Variants in MAP2K2 observed in about 807,000 individuals in gnomAD.
MAP2K2 encodes dual specificity mitogen-activated protein kinase kinase 2.
In MAP2K2, 24 loss-of-function variants were observed where a neutral mutation model predicts 43.7. That is an observed-to-expected ratio of 0.55 (90% confidence interval 0.40 to 0.77). The LOEUF (loss-of-function observed/expected upper bound fraction) is 0.77, where lower values mean the gene tolerates loss of function less well. MAP2K2 is among the 30% of genes least tolerant of loss of function. The pLI, the probability that MAP2K2 is intolerant of heterozygous loss-of-function variation, is 0.00. For missense variants in MAP2K2, 470 were observed against 566.8 expected (o/e 0.83, Z 1.73); for synonymous variants, 244 against 239.7 (o/e 1.02, Z -0.17).
rs1209508106 is a variant in MAP2K2, at chr19:4,090,580, C to A, written c.*18G>T. On this transcript the variant is annotated 3_prime_UTR_variant, in exon 11 of 11. Transcript: ENST00000262948. ...CGGTGGGCAGGTCACCAGCGGGACG[C>A]AGGGAGCCCGGCCACTGTCACACGG... 6.5e-7 allele frequency: 1 copy of A among 1,543,744 alleles called. No homozygotes were observed. Among genetic ancestry groups the A allele is most frequent in the Non-Finnish European group, 8.8e-7 (1 of 1,141,740 alleles).
rs1187456546 is a variant in MAP2K2 at position 4,101,004 on chromosome 19, C to G, written c.705+15G>C. ...CAGGGAGGAGAGCTGGAGGGGAGAG[C>G]CAGCGGGGACTCACAGCCATGTAGG... On this transcript the variant is annotated intron_variant, in intron 6 of 10. Coordinates refer to ENST00000262948, the MANE Select transcript of MAP2K2 (RefSeq NM_030662.4). The surrounding 1 kb of genome is among the most constrained non-coding windows in gnomAD (Gnocchi z 6.3). 6.4e-7 allele frequency: 1 copy of G among 1,552,760 alleles called. No homozygotes were observed. The highest frequency in any genetic ancestry group is 8.7e-7 in the Non-Finnish European group (1 of 1,148,742).
Position 4,118,588 on chromosome 19 carries a change from CAAACCAAAAAACAAAAA to C in MAP2K2, c.93-976_93-960del, listed in dbSNP as rs1012167581. On this transcript the variant is annotated intron_variant, in intron 1 of 10. Coordinates refer to ENST00000262948, the MANE Select transcript of MAP2K2 (RefSeq NM_030662.4). ...AGGGAGGCTCTGTCTCAAAACAAAA[CAAACCAAAAAACAAAAA>C]AAACAAAAAATAAGCATGACCAGCC... Among the ~76,000 whole-genome samples the C allele has an allele frequency of 7.2e-5, 11 of 151,874 alleles. No individual in the cohort carries two copies. The East Asian group carries it at 2.1e-3, about 29-fold the overall frequency.
At position 4,102,532 on chromosome 19, in the gene MAP2K2, G is replaced by A. The variant is rs113772802; in HGVS notation, c.451-79C>T. 1.4e-3 allele frequency: 1,635 copies of A among 1,146,830 alleles called. 3 individuals are homozygous for A. Among genetic ancestry groups the A allele is most frequent in the Non-Finnish European group, 1.5e-3 (1,157 of 787,632 alleles). 71.0% of individuals were successfully genotyped at this position (1,146,830 alleles called of 1,614,324 possible). A position where few individuals can be genotyped will look rare whatever the true frequency, so the allele number is the denominator to read the frequency against. On this transcript the variant is annotated intron_variant, in intron 3 of 10. Transcript: ENST00000262948. ...ACGGATGCGTCCCCCCACTCCCGGC[G>A]AGGGGGTGGTCTGCCTCCTGACGGG... is the stretch of plus-strand genomic sequence containing the variant.
chr19:4,098,305 G>A (rs1258583113), intron 7 of MAP2K2, among the ~76,000 whole-genome samples: 1 of 152,168 alleles, frequency 6.6e-6, no homozygotes, highest in South Asian at 2.1e-4. Context: ...ATGGGGACAG[G>A]GTTTCCTCTT....
intron 7 of MAP2K2, 34 bp downstream of exon 7, chr19:4,099,167 C>T (rs767817108): frequency 1.6e-5 from 25 of 1,562,258 alleles, no homozygotes; most frequent in South Asian, 5.7e-5. Flanking sequence ...GGGCACTGCG[C>T]GTCCAGACCG....
intron 7 of MAP2K2, among the ~76,000 whole-genome samples, chr19:4,098,574 C>T (rs2040954140): frequency 6.6e-6 from 1 of 152,220 alleles, no homozygotes; most frequent in African/African-American, 2.4e-5. Context: ...GCTCTTCCCT[C>T]AGGCGGTGGA....
chr19:4,095,061 C>T (rs1343120985), intron 9 of MAP2K2: 7 of 371,296 alleles, frequency 1.9e-5, no homozygotes, highest in African/African-American at 4.1e-5. Context: ...GGGCGGATCC[C>T]GGGGAGCCCA....
chr19:4,101,228 C>T lies in MAP2K2; in HGVS notation c.580+1G>A, dbSNP rs2145055012. Reference sequence around the variant, plus strand: ...TCTGGGGAGGGCGGGCTGGGCCTTACCTCGGTGCATGATCTGGTGCTTCTC... The same window carrying T: ...TCTGGGGAGGGCGGGCTGGGCCTTATCTCGGTGCATGATCTGGTGCTTCTC... On this transcript the variant is annotated splice_donor_variant, in intron 5 of 10. Transcript: ENST00000262948. LOFTEE classifies it high-confidence loss of function. The surrounding 1 kb of genome is among the most constrained non-coding windows in gnomAD (Gnocchi z 6.3). The T allele has an allele frequency of 6.3e-7, 1 of 1,590,212 alleles. No homozygotes were observed. Among genetic ancestry groups the T allele is most frequent in the Non-Finnish European group, 8.6e-7 (1 of 1,169,180 alleles).
chr19:4,100,366 G>A (rs2040986486), intron 6 of MAP2K2: 3 of 143,328 alleles, frequency 2.1e-5, no homozygotes, highest in African/African-American at 2.7e-5. Context: ...GGAGGCGGAG[G>A]TTGCAATGAG....
intron 3 of MAP2K2, among the ~76,000 whole-genome samples, chr19:4,107,052 C>A (rs1420391435): frequency 6.6e-6 from 1 of 152,206 alleles, no homozygotes; most frequent in Non-Finnish European, 1.5e-5. Flanking sequence ...AGGGAAGCAG[C>A]CAGCCCCACT....
intron 10 of MAP2K2, among the ~76,000 whole-genome samples, chr19:4,092,537 C>T (rs143423853): frequency 2.6e-5 from 4 of 151,944 alleles, no homozygotes; most frequent in South Asian, 2.1e-4. Flanking sequence ...TGCAGTGAGC[C>T]GAGATTGCGC....
chr19:4,119,553 C>T (rs945865534), intron 1 of MAP2K2, among the ~76,000 whole-genome samples: 1 of 152,142 alleles, frequency 6.6e-6, no homozygotes, highest in Non-Finnish European at 1.5e-5. Context: ...TTTGATTTAA[C>T]CCATCAAAAA....
rs1370232734 is a variant in MAP2K2 at position 4,101,448 on chromosome 19, G to A, written c.529-168C>T. ...GGGTGGAGCAAGCGAGGCCAGAGACGAGACAGTGCTGACAGCCCTGTGCTG... is the reference window on the plus strand; with the variant it reads ...GGGTGGAGCAAGCGAGGCCAGAGACAAGACAGTGCTGACAGCCCTGTGCTG... On this transcript the variant is annotated intron_variant, in intron 4 of 10. Coordinates refer to ENST00000262948, the MANE Select transcript of MAP2K2 (RefSeq NM_030662.4). This position sits in a 1 kb window ranked among gnomAD's most constrained non-coding sequence, Gnocchi z 6.3. 3.9e-5 allele frequency among the ~76,000 whole-genome samples: 6 copies of A among 152,190 alleles called. No homozygotes were observed. Among genetic ancestry groups the A allele is most frequent in the African/African-American group, 7.2e-5 (3 of 41,440 alleles).
chr19:4,099,057 G>A lies in MAP2K2; in HGVS notation c.919+144C>T. 7 of 696,110 alleles carry A rather than the reference G, an allele frequency of 1.0e-5. No individual in the cohort carries two copies. In the South Asian group the frequency reaches 1.2e-4, roughly 12 times the overall value. 43.1% of individuals were successfully genotyped at this position (696,110 alleles called of 1,614,324 possible). A position where few individuals can be genotyped will look rare whatever the true frequency, so the allele number is the denominator to read the frequency against. ...GTCCCCGGAAACCCCAGGACCATGGGAGGACTGCTGACCACAGTCGGCACC... is the reference window on the plus strand; with the variant it reads ...GTCCCCGGAAACCCCAGGACCATGGAAGGACTGCTGACCACAGTCGGCACC... On this transcript the variant is annotated intron_variant, in intron 7 of 10. Coordinates refer to ENST00000262948, the MANE Select transcript of MAP2K2 (RefSeq NM_030662.4).
chr19:4,112,448 C>T (rs1402238663), intron 2 of MAP2K2, among the ~76,000 whole-genome samples: 3 of 152,220 alleles, frequency 2.0e-5, no homozygotes, highest in Non-Finnish European at 2.9e-5. Flanking sequence ...TGTCAGCGGG[C>T]ACGGAGGCAT....
intron 3 of MAP2K2, chr19:4,102,889 C>T (rs966741889): frequency 8.6e-7 from 1 of 1,160,682 alleles, no homozygotes; most frequent in Non-Finnish European, 1.1e-6. Flanking sequence ...CGTCCTCTTC[C>T]CAGCACACGA....
intron 2 of MAP2K2, among the ~76,000 whole-genome samples, chr19:4,114,179 G>A (rs989898493): frequency 1.3e-5 from 2 of 152,156 alleles, no homozygotes; most frequent in African/African-American, 2.4e-5. Flanking sequence ...CTAGGGGACC[G>A]CAGTGCAGTG....
intron 2 of MAP2K2, among the ~76,000 whole-genome samples, chr19:4,112,491 A>C (rs908078639): frequency 3.9e-5 from 6 of 152,306 alleles, no homozygotes; most frequent in African/African-American, 1.4e-4. Context: ...GGGCAGCAGG[A>C]GGCTGACCGT....
chr19:4,094,836 C>T (rs533875271), intron 9 of MAP2K2: 24 of 432,340 alleles, frequency 5.6e-5, no homozygotes, highest in South Asian at 4.7e-4. Flanking sequence ...CCGGAGCGCA[C>T]GCCAAGGGCC....
Sources: allele counts gnomAD v4.1 joint callset (sites outside exome capture counted in the v4.1 genomes callset), GRCh38; gene constraint gnomAD v4.1.1; non-coding constraint Gnocchi (gnomAD v3.1); transcripts MANE v1.5; gene names NCBI Gene and HGNC (gene_info 2026-07-23, HGNC 2026-07-21).